The following WLS variants were observed in gnomAD, a reference collection of about 807,000 sequenced individuals.
WLS encodes the protein Wnt ligand secretion mediator, also known as protein wntless homolog.
WLS carries 23 observed loss-of-function variants against 62.8 expected under a neutral mutation model. The ratio of observed to expected loss-of-function variants is 0.37; its 90% confidence interval spans 0.26 to 0.52. The LOEUF (loss-of-function observed/expected upper bound fraction) is 0.52, where lower values mean the gene tolerates loss of function less well. Ranked by LOEUF, WLS falls within the 20% of genes least tolerant of loss-of-function variation. The probability of loss-of-function intolerance (pLI) is 0.92; values close to 1 mark genes in which losing one functional copy is unlikely to be tolerated. For missense variants in WLS, 615 were observed against 697.3 expected (o/e 0.88, Z 1.33); for synonymous variants, 246 against 244.1 (o/e 1.01, Z -0.07).
At chr1:68,177,315 G>A (rs1175991535) in intron 2 of WLS, among the ~76,000 whole-genome samples, 1 of 152,124 alleles carries the variant, frequency 6.6e-6, no homozygotes, top group Admixed American at 6.5e-5. Context: ...TGCAAATGGG[G>A]TCTATGCATA....
intron 1 of WLS, among the ~76,000 whole-genome samples, chr1:68,231,118 C>T (rs55779612): frequency 0.022 from 3,390 of 152,312 alleles, 50 homozygotes; most frequent in Non-Finnish European, 0.037. Context: ...CGGGATGTCC[C>T]AAATCTTGAG....
At chr1:68,187,081 A>G (rs867162262) in intron 2 of WLS, among the ~76,000 whole-genome samples, 3 of 151,026 alleles carry the variant, frequency 2.0e-5, no homozygotes, top group South Asian at 2.1e-4. Context: ...GCGTGGTGGC[A>G]GGCGCCTGTA....
rs1489109279 is a variant in WLS at position 68,154,969 on chromosome 1, T to G, written c.666+130A>C. ...ATCTCTCACACAAATTAGTTCACTT[T>G]ATGATCTCAGCCATCATGAGTATGT... On this transcript the variant is annotated intron_variant, in intron 4 of 11. Coordinates refer to ENST00000262348, the MANE Select transcript of WLS (RefSeq NM_024911.7). 2.9e-6 allele frequency: 3 copies of G among 1,024,246 alleles called. No individual in the cohort carries two copies. In the African/African-American group the frequency reaches 4.8e-5, roughly 16 times the overall value. 63.4% of individuals were successfully genotyped at this position (1,024,246 alleles called of 1,614,324 possible). A position where few individuals can be genotyped will look rare whatever the true frequency, so the allele number is the denominator to read the frequency against.
chr1:68,144,543 A>C, intron 10 of WLS, 26 bp downstream of exon 10: 1 of 1,606,482 alleles, frequency 6.2e-7, no homozygotes. Context: ...AGACATTCTC[A>C]CCTTGACATC....
chr1:68,098,898 C>G (rs1000770228), intron 11 of WLS: 35 of 1,254,122 alleles, frequency 2.8e-5, no homozygotes, highest in Non-Finnish European at 3.5e-5. Context: ...TTGTTTAGGA[C>G]TGTGTCCTTC....
chr1:68,129,452 G>A (rs1428309693), intron 11 of WLS, among the ~76,000 whole-genome samples: 6 of 152,228 alleles, frequency 3.9e-5, no homozygotes, highest in Admixed American at 1.3e-4. Flanking sequence ...ATAAATTTAT[G>A]AGTATTGGCC....
intron 11 of WLS, among the ~76,000 whole-genome samples, chr1:68,118,916 T>C (rs1463693448): frequency 9.3e-6 from 1 of 107,898 alleles, no homozygotes; most frequent in Non-Finnish European, 1.9e-5. Context: ...CCTGGCCCAA[T>C]ATTAGATGTT....
intron 7 of WLS, 22 bp downstream of exon 7, chr1:68,148,541 T>C (rs370130215): frequency 6.2e-7 from 1 of 1,612,154 alleles, no homozygotes; most frequent in Admixed American, 1.7e-5. Context: ...TTTGGCTCAG[T>C]GTCCCACAAA....
intron 2 of WLS, among the ~76,000 whole-genome samples, chr1:68,181,488 T>C (rs1434060822): frequency 6.6e-6 from 1 of 152,240 alleles, no homozygotes; most frequent in Non-Finnish European, 1.5e-5. Context: ...GTCTAGATTC[T>C]AGACTGCACT....
At chr1:68,119,770 C>A (rs773652592) in intron 11 of WLS, among the ~76,000 whole-genome samples, 1 of 152,242 alleles carries the variant, frequency 6.6e-6, no homozygotes, top group Non-Finnish European at 1.5e-5. Context: ...GGAGCCCAGG[C>A]TAAAAGGCAC....
chr1:68,227,460 C>T (rs988581977), intron 1 of WLS, among the ~76,000 whole-genome samples: 2 of 149,372 alleles, frequency 1.3e-5, no homozygotes, highest in Non-Finnish European at 3.0e-5. Context: ...AGCATGATTA[C>T]ACTGCAAGAA....
intron 1 of WLS, among the ~76,000 whole-genome samples, chr1:68,204,329 T>A (rs964956029): frequency 2.7e-5 from 4 of 150,384 alleles, no homozygotes; most frequent in Admixed American, 6.6e-5. Context: ...TATTATTAAT[T>A]TTTTTTTTTA....
chr1:68,173,188 T>G (rs1216796244), intron 2 of WLS, among the ~76,000 whole-genome samples: 1 of 152,208 alleles, frequency 6.6e-6, no homozygotes, highest in Non-Finnish European at 1.5e-5. Context: ...GCTAGAGAAC[T>G]CAGAACCATC....
chr1:68,181,118 A>T (rs1474919479), intron 2 of WLS, among the ~76,000 whole-genome samples: 1 of 152,078 alleles, frequency 6.6e-6, no homozygotes, highest in Non-Finnish European at 1.5e-5. Flanking sequence ...AAATAATCTT[A>T]ACTTCATTTT....
chr1:68,170,887 C>T (rs539103307), intron 2 of WLS, among the ~76,000 whole-genome samples: 1 of 152,296 alleles, frequency 6.6e-6, no homozygotes, highest in South Asian at 2.1e-4. Flanking sequence ...TTATATCACT[C>T]ATGTCTTTGC....
intron 2 of WLS, among the ~76,000 whole-genome samples, chr1:68,170,586 G>T (rs1246120109): frequency 6.6e-6 from 1 of 152,064 alleles, no homozygotes; most frequent in Non-Finnish European, 1.5e-5. Context: ...AATTACAAAA[G>T]GCTTCTTTAT....
intron 11 of WLS, among the ~76,000 whole-genome samples, chr1:68,104,899 A>G (rs1014017024): frequency 1.3e-5 from 2 of 152,228 alleles, no homozygotes; most frequent in African/African-American, 2.4e-5. Context: ...CAACCTGGGC[A>G]AAAAAGCAAG....
chr1:68,137,728 AC>A, intron 11 of WLS, 51 bp downstream of exon 11: 1 of 1,570,830 alleles, frequency 6.4e-7, no homozygotes, highest in Non-Finnish European at 8.6e-7. Context: ...TCTTGTAAAG[AC>A]AGAAGCCTAT....
chr1:68,127,618 G>A (rs977165739), intron 11 of WLS, among the ~76,000 whole-genome samples: 9 of 152,340 alleles, frequency 5.9e-5, no homozygotes, highest in African/African-American at 2.2e-4. Flanking sequence ...GGAGAGGGGT[G>A]CTGGGGAATA....
Sources: gnomAD v4.1 joint callset for allele counts (sites outside exome capture counted in the v4.1 genomes callset) on GRCh38, gnomAD v4.1.1 for gene constraint, MANE v1.5 for transcripts, NCBI Gene and HGNC (gene_info 2026-07-23, HGNC 2026-07-21) for gene names.